PCDH9: variants seen among roughly 807,000 people sequenced by gnomAD.
PCDH9 encodes the protein protocadherin 9.
PCDH9 carries 24 observed loss-of-function variants against 70.6 expected under a neutral mutation model. That is an observed-to-expected ratio of 0.34 (90% CI 0.25 to 0.48). The LOEUF (loss-of-function observed/expected upper bound fraction) is 0.48, where lower values mean the gene tolerates loss of function less well. Ranked by LOEUF, PCDH9 falls within the 20% of genes least tolerant of loss-of-function variation. PCDH9 has a pLI of 0.99. For missense variants in PCDH9, 1,281 were observed against 1,503.6 expected, an observed-to-expected ratio of 0.85 and a Z score of 2.45; for synonymous variants, 562 against 558.5, an observed-to-expected ratio of 1.01 and a Z score of -0.09.
At chr13:67,064,622 C>T (rs556488237) in intron 2 of PCDH9, among the ~76,000 whole-genome samples, 1 of 152,180 alleles carries the variant, frequency 6.6e-6, no homozygotes, top group South Asian at 2.1e-4. Flanking sequence ...AAATCATGGA[C>T]AAAATCAATT....
chr13:67,113,524 C>T (rs2086697258), intron 2 of PCDH9, among the ~76,000 whole-genome samples: 1 of 151,976 alleles, frequency 6.6e-6, no homozygotes, highest in Non-Finnish European at 1.5e-5. Context: ...AAAAAAACAA[C>T]TTACATTAGT....
In PCDH9 at chr13:66,378,396, G is replaced by A. The variant is rs915717866; in HGVS notation, c.3341-73368C>T. ...CCAAAGATATACTCTCTGTAAAACA[G>A]TCCTTCTGAGATTGGGACAATGAAT... On this transcript the variant is annotated intron_variant, in intron 4 of 4. Transcript: ENST00000377865. Among the ~76,000 whole-genome samples the A allele has an allele frequency of 3.3e-5, 5 of 152,208 alleles. No homozygotes were observed. The East Asian group carries it at 9.7e-4, about 29-fold the overall frequency.
At chr13:66,897,387 T>C (rs1318196805) in intron 3 of PCDH9, among the ~76,000 whole-genome samples, 1 of 152,020 alleles carries the variant, frequency 6.6e-6, no homozygotes, top group East Asian at 1.9e-4. Flanking sequence ...TTTGTGTTTG[T>C]GAGCAAAAAA....
chr13:66,585,910 A>C (rs2076956277), intron 4 of PCDH9, among the ~76,000 whole-genome samples: 1 of 152,170 alleles, frequency 6.6e-6, no homozygotes, highest in African/African-American at 2.4e-5. Flanking sequence ...TTTTGTGGTC[A>C]ACCCTCTGCA....
chr13:66,372,127 A>C (rs1956665737), intron 4 of PCDH9, among the ~76,000 whole-genome samples: 1 of 152,082 alleles, frequency 6.6e-6, no homozygotes, highest in Non-Finnish European at 1.5e-5. Flanking sequence ...GTTATGCACC[A>C]CAGAAGTTGA....
chr13:67,097,467 T>C (rs931831550), intron 2 of PCDH9, among the ~76,000 whole-genome samples: 2 of 152,130 alleles, frequency 1.3e-5, no homozygotes, highest in Admixed American at 1.3e-4. Context: ...TATAGCAATA[T>C]GGCATTCTTT....
At chr13:67,188,010 G>A (rs1375658504) in intron 2 of PCDH9, among the ~76,000 whole-genome samples, 7 of 151,906 alleles carry the variant, frequency 4.6e-5, no homozygotes, top group African/African-American at 1.5e-4. Flanking sequence ...AGTTGGTACC[G>A]AACACTAGAT....
chr13:66,465,638 T>TA (rs1211351700), intron 4 of PCDH9, among the ~76,000 whole-genome samples: 1 of 151,868 alleles, frequency 6.6e-6, no homozygotes, highest in Admixed American at 6.6e-5. Context: ...GCTCTTCCAC[T>TA]AACTTTACTA....
At chr13:66,995,616 T>A (rs1247460742) in intron 2 of PCDH9, among the ~76,000 whole-genome samples, 1 of 152,186 alleles carries the variant, frequency 6.6e-6, no homozygotes, top group South Asian at 2.1e-4. Context: ...TTTCACAAAG[T>A]TAAGATGGTT....
Position 67,227,210 on chromosome 13 carries a change from A to T in PCDH9, c.1231T>A (p.Leu411Met). ...TATTGGTTGTCATATACCGCCTTCA[A>T]ATGAAATGGGACCTCTCTTTCAATA... ...CFIEREVPFH[L>M]KAVYDNQYLL... Residue 411 changes from leucine (L) to methionine (M), a missense_variant, in exon 2 of 5, where the codon TTG becomes ATG. By Grantham distance (15) the Leu-to-Met change is conservative (BLOSUM62 2). This residue lies in a region of PCDH9 where 798 missense variants were observed against 1,003.1 expected (regional missense o/e 0.80). Coordinates refer to ENST00000377865, the MANE Select transcript of PCDH9 (RefSeq NM_203487.3). The surrounding 1 kb of genome is among the most constrained non-coding windows in gnomAD (Gnocchi z 4.6). 6.2e-7 allele frequency: 1 copy of T among 1,613,878 alleles called. No homozygotes were observed. Among genetic ancestry groups the T allele is most frequent in the Non-Finnish European group, 8.5e-7 (1 of 1,179,732 alleles).
chr13:66,556,011 G>T (rs1961725254), intron 4 of PCDH9, among the ~76,000 whole-genome samples: 1 of 148,054 alleles, frequency 6.8e-6, no homozygotes, highest in African/African-American at 2.5e-5. Context: ...TATTTCTACT[G>T]AAAGACAGAG....
intron 3 of PCDH9, among the ~76,000 whole-genome samples, chr13:66,769,715 C>T (rs2079775275): frequency 6.6e-6 from 1 of 152,212 alleles, no homozygotes; most frequent in Non-Finnish European, 1.5e-5. Flanking sequence ...GCAACAAACA[C>T]TGGCTTTCAA....
intron 3 of PCDH9, among the ~76,000 whole-genome samples, chr13:66,866,446 C>T (rs183939112): frequency 6.6e-5 from 10 of 151,986 alleles, no homozygotes; most frequent in African/African-American, 2.4e-4. Flanking sequence ...TGCGCCACTG[C>T]ACTCCAGCCT....
At chr13:67,055,797 CA>C (rs777837048) in intron 2 of PCDH9, among the ~76,000 whole-genome samples, 3 of 151,436 alleles carry the variant, frequency 2.0e-5, no homozygotes, top group South Asian at 2.1e-4. Flanking sequence ...ACCTTGTATC[CA>C]AAAAAAACCC....
chr13:67,000,851 C>T (rs1042407574), intron 2 of PCDH9, among the ~76,000 whole-genome samples: 3 of 152,080 alleles, frequency 2.0e-5, no homozygotes, highest in African/African-American at 7.2e-5. Flanking sequence ...AGACAAATAG[C>T]AAAATATTTT....
chr13:67,082,755 T>G (rs900502588), intron 2 of PCDH9, among the ~76,000 whole-genome samples: 1 of 152,192 alleles, frequency 6.6e-6, no homozygotes, highest in Non-Finnish European at 1.5e-5. Flanking sequence ...AATCCTTATA[T>G]GCCAATTGTA....
intron 3 of PCDH9, among the ~76,000 whole-genome samples, chr13:66,687,650 T>C (rs1471887318): frequency 6.6e-6 from 1 of 152,178 alleles, no homozygotes; most frequent in Non-Finnish European, 1.5e-5. Flanking sequence ...AAATATGCTT[T>C]GGATGAATGA....
intron 3 of PCDH9, among the ~76,000 whole-genome samples, chr13:66,762,621 T>A (rs2079647024): frequency 6.6e-6 from 1 of 152,052 alleles, no homozygotes; most frequent in Non-Finnish European, 1.5e-5. Flanking sequence ...GCTGGTTTCC[T>A]TACCTCTTGT....
At chr13:66,383,808 A>G (rs1956885883) in intron 4 of PCDH9, among the ~76,000 whole-genome samples, 1 of 152,196 alleles carries the variant, frequency 6.6e-6, no homozygotes, top group Admixed American at 6.5e-5. Flanking sequence ...CTAATCTTCT[A>G]GCAGAGAGGA....
Sources: allele counts gnomAD v4.1 joint callset (sites outside exome capture counted in the v4.1 genomes callset), GRCh38; gene constraint gnomAD v4.1.1; regional missense constraint gnomAD v4.1.1; non-coding constraint Gnocchi (gnomAD v3.1); transcripts MANE v1.5; gene names NCBI Gene and HGNC (gene_info 2026-07-23, HGNC 2026-07-21).